PPIP5K2: variants seen among roughly 807,000 people sequenced by gnomAD.
PPIP5K2 encodes the protein diphosphoinositol pentakisphosphate kinase 2, also known as inositol hexakisphosphate and diphosphoinositol-pentakisphosphate kinase 2.
Under a neutral mutation model 154.6 loss-of-function variants are expected in PPIP5K2, and 105 were observed. The ratio of observed to expected loss-of-function variants is 0.68; its 90% CI spans 0.58 to 0.80. PPIP5K2 has a LOEUF of 0.80. Ranked by LOEUF, PPIP5K2 falls within the 30% of genes least tolerant of loss-of-function variation. PPIP5K2 has a pLI of 0.00. For synonymous variants in PPIP5K2, 480 were observed against 490.3 expected, an observed-to-expected ratio of 0.98 and a Z score of 0.28; for missense variants, 992 against 1,504.6, an observed-to-expected ratio of 0.66 and a Z score of 5.64.
At position 103,183,265 on chromosome 5, in the gene PPIP5K2, A is replaced by C; in HGVS notation, c.2954A>C (p.Glu985Ala). ...AGCCCCCTGAGTGTGTCTAGCCCAG[A>C]GGGTACTGGTACCTGGCTGCATTAT... ...EESPLSVSSP[E>A]GTGTWLHYTS... The change falls in exon 25 of 31, where the codon GAG (glutamate) becomes GCG (alanine). Residue 985 changes from glutamate to alanine, a missense_variant. Transcript: ENST00000358359. The C allele has an allele frequency of 7.3e-7, 1 of 1,365,674 alleles. No individual in the cohort carries two copies. Among genetic ancestry groups the C allele is most frequent in the Non-Finnish European group, 9.5e-7 (1 of 1,047,162 alleles). 84.6% of individuals were successfully genotyped at this position (1,365,674 alleles called of 1,614,324 possible). A position where few individuals can be genotyped will look rare whatever the true frequency, so the allele number is the denominator to read the frequency against.
intron 1 of PPIP5K2, among the ~76,000 whole-genome samples, chr5:103,128,776 A>G (rs1408260747): frequency 1.3e-5 from 2 of 151,970 alleles, no homozygotes; most frequent in African/African-American, 4.8e-5. Context: ...TCTTGTTCTG[A>G]CTCTAATCTT....
chr5:103,138,236 CATTT>C, intron 4 of PPIP5K2, 144 bp from the exon 5 acceptor site: 1 of 388,098 alleles, frequency 2.6e-6, no homozygotes, highest in Non-Finnish European at 4.5e-6. Context: ...TTCGAAGTGA[CATTT>C]GTTTATTTAA....
Position 103,209,293 on chromosome 5 carries a change from A to G in PPIP5K2, c.*7659A>G, listed in dbSNP as rs765696377. 11 of 152,152 alleles carry G rather than the reference A, an allele frequency of 7.2e-5. No homozygotes were observed. Among genetic ancestry groups the G allele is most frequent in the Non-Finnish European group, 1.5e-4 (10 of 68,006 alleles). 9.4% of individuals were successfully genotyped at this position (152,152 alleles called of 1,614,324 possible). Reference sequence around the variant, plus strand: ...TGCCAGGGCAACAGCCTGCCTAGTAACAATCTAACAGACACCCCCCAAAAA... The same window carrying G: ...TGCCAGGGCAACAGCCTGCCTAGTAGCAATCTAACAGACACCCCCCAAAAA... On this transcript the variant is annotated 3_prime_UTR_variant, in exon 31 of 31. Coordinates refer to ENST00000358359, the MANE Select transcript of PPIP5K2 (RefSeq NM_001276277.3).
At position 103,201,805 on chromosome 5, in the gene PPIP5K2, G is replaced by A. The variant is rs1406564440; in HGVS notation, c.*171G>A. On this transcript the variant is annotated 3_prime_UTR_variant, in exon 31 of 31. Transcript: ENST00000358359. ...TCTGGAAATGTTTAAAACAATGTTT[G>A]TTAGCATTCTGTGAGCAGCAAAACT... 2 of 576,526 alleles carry A rather than the reference G, an allele frequency of 3.5e-6. No homozygotes were observed. Among genetic ancestry groups the A allele is most frequent in the Non-Finnish European group, 6.1e-6 (2 of 328,024 alleles). The allele number at this position is 576,526 out of a possible 1,614,324, so 35.7% of individuals were successfully genotyped here. A position where few individuals can be genotyped will look rare whatever the true frequency, so the allele number is the denominator to read the frequency against.
At position 103,148,052 on chromosome 5, in the gene PPIP5K2, A is replaced by G. The variant is rs782193504; in HGVS notation, c.744+20A>G. 6.7e-7 allele frequency: 1 copy of G among 1,490,042 alleles called. No homozygotes were observed. The highest frequency in any genetic ancestry group is 9.2e-7 in the Non-Finnish European group (1 of 1,085,392). The allele number at this position is 1,490,042 out of a possible 1,614,324, so 92.3% of individuals were successfully genotyped here. A position where few individuals can be genotyped will look rare whatever the true frequency, so the allele number is the denominator to read the frequency against. ...GTTAAGGTAGGATTGATTAAAATAG[A>G]TTTTAGTTTTATATTTCAAGTTTAC... On this transcript the variant is annotated intron_variant, in intron 7 of 30. Transcript: ENST00000358359.
rs529738420 is a variant in PPIP5K2, at chr5:103,136,500, C to T, written c.311-232C>T. On this transcript the variant is annotated intron_variant, in intron 3 of 30. Transcript: ENST00000358359. ...GACCTTCACTCACATGTCAGTGCTCCAAATTTGGTTATATAACCACTGGTT... is the reference window on the plus strand; with the variant it reads ...GACCTTCACTCACATGTCAGTGCTCTAAATTTGGTTATATAACCACTGGTT... Among the ~76,000 whole-genome samples the T allele has an allele frequency of 5.3e-5, 8 of 152,168 alleles. No individual in the cohort carries two copies. In the East Asian group the frequency reaches 1.5e-3, roughly 29 times the overall value.
intron 17 of PPIP5K2, among the ~76,000 whole-genome samples, chr5:103,160,124 G>A (rs1325763505): frequency 6.6e-6 from 1 of 152,064 alleles, no homozygotes; most frequent in East Asian, 1.9e-4. Context: ...GCTAGATGAT[G>A]ATACTTCATC....
At chr5:103,132,229 A>T (rs1019215288) in intron 2 of PPIP5K2, among the ~76,000 whole-genome samples, 1 of 152,146 alleles carries the variant, frequency 6.6e-6, no homozygotes, top group Admixed American at 6.5e-5. Context: ...ATACAGAAAT[A>T]CTGTTCTAGG....
chr5:103,188,600 C>G (rs1260443119), intron 28 of PPIP5K2: 1 of 152,066 alleles, frequency 6.6e-6, no homozygotes, highest in Non-Finnish European at 1.5e-5. Context: ...GCTGCAGCTT[C>G]TAAAGAAACC....
In PPIP5K2 at chr5:103,201,796, A is replaced by T. The variant is rs564335470; in HGVS notation, c.*162A>T. ...TTGTCATGATCTGGAAATGTTTAAAACAATGTTTGTTAGCATTCTGTGAGC... is the reference window on the plus strand; with the variant it reads ...TTGTCATGATCTGGAAATGTTTAAATCAATGTTTGTTAGCATTCTGTGAGC... On this transcript the variant is annotated 3_prime_UTR_variant, in exon 31 of 31. Coordinates refer to ENST00000358359, the MANE Select transcript of PPIP5K2 (RefSeq NM_001276277.3). 1.4e-5 allele frequency: 8 copies of T among 584,916 alleles called. No homozygotes were observed. Among genetic ancestry groups the T allele is most frequent in the Middle Eastern group, 4.7e-4 (1 of 2,122 alleles). 36.2% of individuals were successfully genotyped at this position (584,916 alleles called of 1,614,324 possible).
At chr5:103,155,243 A>T (rs2149588269) in intron 13 of PPIP5K2, among the ~76,000 whole-genome samples, 1 of 152,036 alleles carries the variant, frequency 6.6e-6, no homozygotes, top group East Asian at 1.9e-4. Context: ...CAGTTTAAAT[A>T]TAAAAAATTT....
intron 27 of PPIP5K2, among the ~76,000 whole-genome samples, chr5:103,186,978 T>G (rs1032935408): frequency 1.3e-5 from 2 of 152,180 alleles, no homozygotes; most frequent in Non-Finnish European, 2.9e-5. Context: ...GTGTCCCTTT[T>G]GTTAAGAGAA....
In PPIP5K2 at chr5:103,155,802, A is replaced by T. The variant is rs1253978582; in HGVS notation, c.1404-107A>T. On this transcript the variant is annotated intron_variant, in intron 13 of 30. Coordinates refer to ENST00000358359, the MANE Select transcript of PPIP5K2 (RefSeq NM_001276277.3). Reference sequence around the variant, plus strand: ...ATATGGTACAATTTTTTTTTGATAGAATATTTCGAAGAATTAAACAGGCGG... The same window carrying T: ...ATATGGTACAATTTTTTTTTGATAGTATATTTCGAAGAATTAAACAGGCGG... 7 of 759,510 alleles carry T rather than the reference A, an allele frequency of 9.2e-6. No individual in the cohort carries two copies. In the East Asian group the frequency reaches 1.9e-4, roughly 21 times the overall value. 47.0% of individuals were successfully genotyped at this position (759,510 alleles called of 1,614,324 possible).
intron 9 of PPIP5K2, 138 bp downstream of exon 9, chr5:103,151,512 C>A: frequency 1.5e-6 from 1 of 654,212 alleles, no homozygotes; most frequent in Non-Finnish European, 2.5e-6. Flanking sequence ...CCCCCAGAGA[C>A]TATGCCAGAT....
chr5:103,154,656 G>C lies in PPIP5K2; in HGVS notation c.1218-14G>C, dbSNP rs558061578. 7.0e-7 allele frequency: 1 copy of C among 1,433,350 alleles called. No individual in the cohort carries two copies. Among genetic ancestry groups the C allele is most frequent in the Admixed American group, 2.0e-5 (1 of 49,278 alleles). The allele number at this position is 1,433,350 out of a possible 1,614,324, so 88.8% of individuals were successfully genotyped here. A position where few individuals can be genotyped will look rare whatever the true frequency, so the allele number is the denominator to read the frequency against. On this transcript the variant is annotated splice_polypyrimidine_tract_variant and intron_variant, in intron 11 of 30. Coordinates refer to ENST00000358359, the MANE Select transcript of PPIP5K2 (RefSeq NM_001276277.3). ...TATTGCAAGTGACTAACAGTGTTCT[G>C]TCTTTTTTATAAGATTTTTTGATCT...
rs979566898 is a variant in PPIP5K2 at position 103,211,575 on chromosome 5, A to T, written c.*9941A>T. On this transcript the variant is annotated 3_prime_UTR_variant, in exon 31 of 31. Transcript: ENST00000358359. ...TCAGAGAACTCCCAGGTAAACACAC[A>T]GGTAGCCCCTTCTAAAATGCAAATG... is the stretch of plus-strand genomic sequence containing the variant. The T allele has an allele frequency of 2.6e-5, 4 of 152,130 alleles. No individual in the cohort carries two copies. Among genetic ancestry groups the T allele is most frequent in the African/African-American group, 9.6e-5 (4 of 41,454 alleles). The allele number at this position is 152,130 out of a possible 1,614,324, so 9.4% of individuals were successfully genotyped here. A position where few individuals can be genotyped will look rare whatever the true frequency, so the allele number is the denominator to read the frequency against.
intron 26 of PPIP5K2, 101 bp downstream of exon 26, chr5:103,184,845 G>A: frequency 1.2e-6 from 1 of 810,048 alleles, no homozygotes; most frequent in African/African-American, 1.7e-5. Flanking sequence ...ATGCTATGCT[G>A]TAGTTTTTAT....
At position 103,207,514 on chromosome 5, in the gene PPIP5K2, C is replaced by A. The variant is rs1803583791; in HGVS notation, c.*5880C>A. 6.6e-6 allele frequency: 1 copy of A among 151,970 alleles called. No homozygotes were observed. Among genetic ancestry groups the A allele is most frequent in the African/African-American group, 2.4e-5 (1 of 41,378 alleles). 9.4% of individuals were successfully genotyped at this position (151,970 alleles called of 1,614,324 possible). A position where few individuals can be genotyped will look rare whatever the true frequency, so the allele number is the denominator to read the frequency against. On this transcript the variant is annotated 3_prime_UTR_variant, in exon 31 of 31. Coordinates refer to ENST00000358359, the MANE Select transcript of PPIP5K2 (RefSeq NM_001276277.3). ...TATGTTATTCACATTTGCTATAGTTCACTTGTTGTGCTAATGGTTTTTTCC... is the reference window on the plus strand; with the variant it reads ...TATGTTATTCACATTTGCTATAGTTAACTTGTTGTGCTAATGGTTTTTTCC...
chr5:103,146,702 G>T, intron 6 of PPIP5K2, 21 bp downstream of exon 6: 1 of 1,578,190 alleles, frequency 6.3e-7, no homozygotes, highest in Non-Finnish European at 8.6e-7. Flanking sequence ...TGTAACTTTT[G>T]TATGAATACT....
Sources: allele counts gnomAD v4.1 joint callset (sites outside exome capture counted in the v4.1 genomes callset), GRCh38; gene constraint gnomAD v4.1.1; transcripts MANE v1.5; gene names NCBI Gene and HGNC (gene_info 2026-07-23, HGNC 2026-07-21).